Variants in NR1I2 observed in about 807,000 individuals in gnomAD.
The protein encoded by NR1I2 is nuclear receptor subfamily 1 group I member 2.
Under a neutral mutation model 43.3 loss-of-function variants are expected in NR1I2, and 42 were observed. The ratio of observed to expected loss-of-function variants is 0.97; its 90% confidence interval spans 0.76 to 1.26. The LOEUF (loss-of-function observed/expected upper bound fraction) is 1.26. Among genes scored for constraint, NR1I2 ranks in the 50% most tolerant of loss-of-function variants. The pLI is 0.00. For synonymous variants in NR1I2, 229 were observed against 215.0 expected (o/e 1.06, Z -0.57); for missense variants, 559 against 566.7 (o/e 0.99, Z 0.14).
In NR1I2 at chr3:119,811,556, G is replaced by GC; in HGVS notation, c.351dup (p.Val118ArgfsTer14). 3 of 1,613,552 alleles carry GC rather than the reference G, an allele frequency of 1.9e-6. No homozygotes were observed. Among genetic ancestry groups the GC allele is most frequent in the Non-Finnish European group, 2.5e-6 (3 of 1,179,718 alleles). ...CCCTGCAGTGATCATGTCCGACGAG[G>GC]CCGTGGAGGAGAGGCGGGCCTTGAT... On this transcript the variant is annotated frameshift_variant, in exon 4 of 9. Coordinates refer to ENST00000393716, the MANE Select transcript of NR1I2 (RefSeq NM_003889.4). LOFTEE classifies it high-confidence loss of function.
chr3:119,797,186 A>ATGTGTGTGTGTGTGTG (rs60261128), intron 1 of NR1I2, among the ~76,000 whole-genome samples: 4,556 of 145,112 alleles, frequency 0.031, 147 homozygotes, highest in Admixed American at 0.084. Context: ...GCACAAAGAT[A>ATGTGTGTGTGTGTGTG]TGTGTGTGTG....
intron 1 of NR1I2, among the ~76,000 whole-genome samples, chr3:119,804,038 G>A (rs13091204): frequency 0.55 from 83,877 of 151,306 alleles, 23,504 homozygotes; most frequent in Middle Eastern, 0.65. Flanking sequence ...GATTACAGGC[G>A]TGAGCCACCA....
Position 119,810,106 on chromosome 3 carries a change from G to A in NR1I2, c.243G>A (p.Lys81=). 1.2e-6 allele frequency: 2 copies of A among 1,613,820 alleles called. No individual in the cohort carries two copies. Among genetic ancestry groups the A allele is most frequent in the Non-Finnish European group, 1.7e-6 (2 of 1,179,946 alleles). ...CCCGGCTGAGGTGCCCCTTCCGGAA[G>A]GGCGCCTGCGAGATCACCCGGAAGA... is the stretch of plus-strand genomic sequence containing the variant. Residue 81 remains lysine, a synonymous_variant, in exon 3 of 9, where the codon AAG becomes AAA. Coordinates refer to ENST00000393716, the MANE Select transcript of NR1I2 (RefSeq NM_003889.4).
At chr3:119,789,270 T>A (rs553050028) in intron 1 of NR1I2, among the ~76,000 whole-genome samples, 6 of 152,302 alleles carry the variant, frequency 3.9e-5, no homozygotes, top group Non-Finnish European at 8.8e-5. Flanking sequence ...TGCTTTTAAC[T>A]ACTGTATTAG....
chr3:119,813,048 G>T (rs533366732), intron 5 of NR1I2, 88 bp downstream of exon 5: 7 of 1,421,408 alleles, frequency 4.9e-6, no homozygotes, highest in African/African-American at 4.2e-5. Flanking sequence ...TCCTGAATTT[G>T]GGGGATATTG....
intron 1 of NR1I2, among the ~76,000 whole-genome samples, chr3:119,786,059 A>G (rs1304749502): frequency 1.3e-5 from 2 of 152,202 alleles, no homozygotes; most frequent in Non-Finnish European, 2.9e-5. Flanking sequence ...TCCTTATCAT[A>G]TCTCCATAGT....
intron 1 of NR1I2, among the ~76,000 whole-genome samples, chr3:119,795,922 C>T (rs916873159): frequency 4.6e-5 from 7 of 152,190 alleles, no homozygotes; most frequent in South Asian, 2.1e-4. Flanking sequence ...TGACCACTTC[C>T]CATGTCTGTA....
At chr3:119,816,014 G>A (rs186202758) in intron 8 of NR1I2, among the ~76,000 whole-genome samples, 183 bp downstream of exon 8, 1 of 152,304 alleles carries the variant, frequency 6.6e-6, no homozygotes, top group Non-Finnish European at 1.5e-5. Flanking sequence ...AGCAAACAGG[G>A]GGACGTGGCC....
At chr3:119,797,924 T>C (rs551910812) in intron 1 of NR1I2, among the ~76,000 whole-genome samples, 5 of 152,376 alleles carry the variant, frequency 3.3e-5, no homozygotes, top group African/African-American at 1.2e-4. Flanking sequence ...GTCTTTTCTG[T>C]TTTACAATTT....
chr3:119,814,836 A>C, intron 5 of NR1I2, 143 bp from the exon 6 acceptor site: 1 of 1,012,848 alleles, frequency 9.9e-7, no homozygotes, highest in Non-Finnish European at 1.5e-6. Context: ...GCAGCCAGAC[A>C]GCAGCCACAG....
Position 119,811,288 on chromosome 3 carries a change from A to G in NR1I2, c.332-251A>G, listed in dbSNP as rs372610537. ...AAGCCCGTGCTCTTGCCAGGGCCCCACAGTGTCCTCACAAACTCCACTGCA... is the reference window on the plus strand; with the variant it reads ...AAGCCCGTGCTCTTGCCAGGGCCCCGCAGTGTCCTCACAAACTCCACTGCA... On this transcript the variant is annotated intron_variant, in intron 3 of 8. Coordinates refer to ENST00000393716, the MANE Select transcript of NR1I2 (RefSeq NM_003889.4). 41 of 452,462 alleles carry G rather than the reference A, an allele frequency of 9.1e-5. No individual in the cohort carries two copies. The East Asian group carries it at 1.2e-3, about 13-fold the overall frequency. The allele number at this position is 452,462 out of a possible 1,614,324, so 28.0% of individuals were successfully genotyped here. A position where few individuals can be genotyped will look rare whatever the true frequency, so the allele number is the denominator to read the frequency against.
intron 1 of NR1I2, among the ~76,000 whole-genome samples, chr3:119,789,326 T>G (rs547836609): frequency 3.9e-3 from 484 of 123,218 alleles, no homozygotes; most frequent in Non-Finnish European, 6.9e-3. Context: ...ACTGGGTAAA[T>G]TACAAAGAAA....
chr3:119,807,204 T>C, intron 1 of NR1I2, 25 bp from the exon 2 acceptor site: 1 of 1,601,228 alleles, frequency 6.2e-7, no homozygotes. Flanking sequence ...AGTCTTTTCA[T>C]TCTCTGTGGT....
At chr3:119,811,382 C>A in intron 3 of NR1I2, 157 bp from the exon 4 acceptor site, 1 of 683,082 alleles carries the variant, frequency 1.5e-6, no homozygotes, top group East Asian at 2.7e-5. Context: ...AGCCCACAGG[C>A]CTCTTGAGTC....
chr3:119,815,495 AG>A, intron 7 of NR1I2, 56 bp downstream of exon 7: 1 of 1,425,562 alleles, frequency 7.0e-7, no homozygotes, highest in African/African-American at 1.4e-5. Context: ...TGCCCTCCCC[AG>A]GGAAGGTCCC....
rs531843534 is a variant in NR1I2 at position 119,799,298 on chromosome 3, A to ATAT, written c.-22-7930_-22-7929insATT. ...TCTAATAATCAATATTCTTGAGTAT[A>ATAT]TTTTCACATGTTTATTGGTCATTCA... is the stretch of plus-strand genomic sequence containing the variant. On this transcript the variant is annotated intron_variant, in intron 1 of 8. Coordinates refer to ENST00000393716, the MANE Select transcript of NR1I2 (RefSeq NM_003889.4). 3.9e-5 allele frequency among the ~76,000 whole-genome samples: 6 copies of ATAT among 152,258 alleles called. 1 individual carries two copies. The South Asian group carries it at 1.2e-3, about 32-fold the overall frequency.
At chr3:119,815,609 T>C in intron 7 of NR1I2, 117 bp from the exon 8 acceptor site, 1 of 1,067,038 alleles carries the variant, frequency 9.4e-7, no homozygotes, top group Non-Finnish European at 1.4e-6. Flanking sequence ...CTTCCTTCAC[T>C]TCCCTGCCTG....
intron 5 of NR1I2, 77 bp downstream of exon 5, chr3:119,813,037 A>G (rs1469079043): frequency 6.6e-7 from 1 of 1,504,896 alleles, no homozygotes; most frequent in East Asian, 2.3e-5. Context: ...CCTGGGGTAG[A>G]TCCTGAATTT....
At chr3:119,797,782 T>G (rs372894511) in intron 1 of NR1I2, among the ~76,000 whole-genome samples, 1 of 152,268 alleles carries the variant, frequency 6.6e-6, no homozygotes, top group Non-Finnish European at 1.5e-5. Context: ...TTGGTATTAC[T>G]TGTAATGCAA....
Sources: gnomAD v4.1 joint callset for allele counts (sites outside exome capture counted in the v4.1 genomes callset) on GRCh38, gnomAD v4.1.1 for gene constraint, MANE v1.5 for transcripts, NCBI Gene and HGNC (gene_info 2026-07-23, HGNC 2026-07-21) for gene names.